NAV3: variants seen among roughly 807,000 people sequenced by gnomAD.
NAV3 encodes the protein pore membrane and/or filament interacting like protein 1.
A neutral mutation model predicts 244.7 loss-of-function variants in NAV3; 87 were observed. The observed-to-expected ratio is 0.36, with a 90% CI of 0.30 to 0.42. The LOEUF (loss-of-function observed/expected upper bound fraction) is 0.42. Ranked by LOEUF, NAV3 falls within the 20% of genes least tolerant of loss-of-function variation. The pLI is 1.00. For synonymous variants in NAV3, 1,126 were observed against 1,042.2 expected (o/e 1.08, Z -1.55); for missense variants, 2,663 against 2,893.3 (o/e 0.92, Z 1.83).
intron 2 of NAV3, among the ~76,000 whole-genome samples, chr12:77,616,690 T>C (rs928657338): frequency 4.0e-5 from 6 of 151,642 alleles, no homozygotes; most frequent in African/African-American, 1.5e-4. Context: ...TTGTACTACA[T>C]GCACACACAA....
chr12:78,125,484 C>T (rs1292198688), intron 16 of NAV3, among the ~76,000 whole-genome samples: 1 of 152,154 alleles, frequency 6.6e-6, no homozygotes, highest in Non-Finnish European at 1.5e-5. Context: ...GGTTTTGTTT[C>T]ATGTGTCTGA....
At chr12:77,644,891 G>T (rs760836771) in intron 2 of NAV3, among the ~76,000 whole-genome samples, 1 of 152,032 alleles carries the variant, frequency 6.6e-6, no homozygotes, top group East Asian at 1.9e-4. Context: ...TTAAGTCAAA[G>T]GCATACCTGA....
intron 18 of NAV3, chr12:78,130,868 A>T: frequency 5.1e-6 from 1 of 194,312 alleles, no homozygotes; most frequent in Non-Finnish European, 1.1e-5. Flanking sequence ...TTCTCCAGGT[A>T]CTCCAGCACC....
chr12:77,959,732 C>A (rs1449956366), intron 3 of NAV3, among the ~76,000 whole-genome samples: 1 of 151,440 alleles, frequency 6.6e-6, no homozygotes, highest in African/African-American at 2.4e-5. Context: ...ATTTTCCCCA[C>A]ACATCATTTC....
At chr12:77,938,306 A>T (rs1158513479) in intron 1 of NAV3, among the ~76,000 whole-genome samples, 2 of 152,212 alleles carry the variant, frequency 1.3e-5, no homozygotes, top group African/African-American at 4.8e-5. Flanking sequence ...CTTAACTGAG[A>T]AAAATTATTA....
intron 2 of NAV3, among the ~76,000 whole-genome samples, chr12:77,638,738 T>C (rs1245096451): frequency 6.6e-6 from 1 of 152,224 alleles, no homozygotes; most frequent in East Asian, 1.9e-4. Context: ...AAATCAGTAA[T>C]ATTTATAGTG....
At chr12:77,682,930 A>G (rs1874538029) in intron 2 of NAV3, among the ~76,000 whole-genome samples, 2 of 152,044 alleles carry the variant, frequency 1.3e-5, no homozygotes, top group African/African-American at 4.8e-5. Context: ...TATCAAGTCT[A>G]TGACCTGCAA....
Position 77,940,442 on chromosome 12 carries a change from C to T in NAV3, c.361+6C>T, listed in dbSNP as rs1347579900. 5.0e-6 allele frequency: 8 copies of T among 1,598,910 alleles called. No homozygotes were observed. Among genetic ancestry groups the T allele is most frequent in the African/African-American group, 1.3e-5 (1 of 74,532 alleles). On this transcript the variant is annotated splice_donor_region_variant and intron_variant, in intron 2 of 39. Coordinates refer to ENST00000397909, the MANE Select transcript of NAV3 (RefSeq NM_001024383.2). ...AGAAATCATCCAGATTATTGGTAAG[C>T]CCTTCCTTCTGAAAGAAAGCATGAA...
chr12:77,970,999 G>A (rs914340992), intron 5 of NAV3, among the ~76,000 whole-genome samples: 2 of 152,058 alleles, frequency 1.3e-5, no homozygotes, highest in African/African-American at 4.8e-5. Flanking sequence ...TATCTTCCAT[G>A]TGAAATTTAT....
intron 2 of NAV3, among the ~76,000 whole-genome samples, chr12:77,668,319 G>A (rs946600655): frequency 1.3e-5 from 2 of 152,006 alleles, no homozygotes; most frequent in African/African-American, 2.4e-5. Flanking sequence ...TCAGATGGTC[G>A]ACTATTAAGC....
At chr12:77,731,915 G>A (rs1877142352) in intron 2 of NAV3, among the ~76,000 whole-genome samples, 1 of 151,932 alleles carries the variant, frequency 6.6e-6, no homozygotes, top group Non-Finnish European at 1.5e-5. Flanking sequence ...AAAGACAATT[G>A]AGGAACTGTT....
At chr12:77,979,240 A>T (rs1227488988) in intron 5 of NAV3, among the ~76,000 whole-genome samples, 3 of 149,282 alleles carry the variant, frequency 2.0e-5, no homozygotes, top group African/African-American at 7.4e-5. Context: ...AAAAAAAAAA[A>T]AGTTAGCCAG....
chr12:78,020,955 A>G (rs1393088682), intron 8 of NAV3, among the ~76,000 whole-genome samples: 1 of 152,144 alleles, frequency 6.6e-6, no homozygotes, highest in Non-Finnish European at 1.5e-5. Context: ...CATGCCGTGA[A>G]CATTTAAAAT....
intron 2 of NAV3, among the ~76,000 whole-genome samples, chr12:77,711,212 C>T (rs1180037511): frequency 1.3e-5 from 2 of 152,174 alleles, no homozygotes; most frequent in South Asian, 2.1e-4. Context: ...TCTTACTTTG[C>T]GTCAGAATTA....
Position 77,655,528 on chromosome 12 carries a change from A to C in NAV3, c.72+83262A>C, listed in dbSNP as rs561272443. 5.8e-3 allele frequency among the ~76,000 whole-genome samples: 885 copies of C among 152,314 alleles called. 9 individuals are homozygous for C. The highest frequency in any genetic ancestry group is 7.5e-3 in the Non-Finnish European group (511 of 68,020). Reference sequence around the variant, plus strand: ...GAGAATGGAACCAAGTTGGAAAACAATGTGCAGGATATTATCCAGGAGAAC... The same window carrying C: ...GAGAATGGAACCAAGTTGGAAAACACTGTGCAGGATATTATCCAGGAGAAC... On this transcript the variant is annotated intron_variant, in intron 2 of 8. Transcript: ENST00000550042.
chr12:78,184,562 T>C (rs1053643613), intron 30 of NAV3, among the ~76,000 whole-genome samples: 2 of 151,854 alleles, frequency 1.3e-5, no homozygotes, highest in African/African-American at 2.4e-5. Context: ...TTGTTTTTAA[T>C]TGTTATGATC....
chr12:78,165,347 TAA>T (rs1957735259), intron 23 of NAV3, among the ~76,000 whole-genome samples: 1 of 152,028 alleles, frequency 6.6e-6, no homozygotes, highest in Non-Finnish European at 1.5e-5. Context: ...TTAATGAGAA[TAA>T]GAAACTGGAA....
Position 77,961,646 on chromosome 12 carries a change from A to G in NAV3, c.415-4583A>G, listed in dbSNP as rs562448488. Among the ~76,000 whole-genome samples the G allele has an allele frequency of 2.5e-4, 35 of 141,868 alleles. No individual in the cohort carries two copies. The South Asian group carries it at 7.0e-3, about 28-fold the overall frequency. 93.1% of individuals were successfully genotyped at this position (141,868 alleles called of 152,430 possible). ...ATATGTAATATATATTATGCAATAT[A>G]TTATTACATTATATATATTACATAC... On this transcript the variant is annotated intron_variant, in intron 3 of 39. Coordinates refer to ENST00000397909, the MANE Select transcript of NAV3 (RefSeq NM_001024383.2).
intron 1 of NAV3, among the ~76,000 whole-genome samples, chr12:77,887,631 A>C (rs1242294): frequency 0.29 from 44,552 of 151,984 alleles, 6,599 homozygotes; most frequent in Middle Eastern, 0.37. Flanking sequence ...TATTTGTTGG[A>C]TGAGTGGAGT....
Sources: allele counts gnomAD v4.1 joint callset (sites outside exome capture counted in the v4.1 genomes callset), GRCh38; gene constraint gnomAD v4.1.1; transcripts MANE v1.5; gene names NCBI Gene and HGNC (gene_info 2026-07-23, HGNC 2026-07-21).